The following NOX1 variants were observed in gnomAD, a reference collection of about 807,000 sequenced individuals.
NOX1 encodes the protein NADH/NADPH mitogenic oxidase subunit P65-MOX.
A neutral mutation model predicts 42.5 loss-of-function variants in NOX1; 34 were observed. The ratio of observed to expected loss-of-function variants is 0.80; its 90% CI spans 0.61 to 1.07. The LOEUF is 1.07. NOX1 is among the 50% of genes least tolerant of loss of function. The pLI is 0.00. For missense variants in NOX1, 408 were observed against 427.0 expected, an observed-to-expected ratio of 0.96 and a Z score of 0.39; for synonymous variants, 143 against 152.5, an observed-to-expected ratio of 0.94 and a Z score of 0.46.
intron 1 of NOX1, among the ~76,000 whole-genome samples, chrX:100,873,776 T>A (rs1041042637): frequency 2.9e-4 from 32 of 111,830 alleles, no homozygotes; most frequent in African/African-American, 1.0e-3. Flanking sequence ...GAAATCTTGA[T>A]GGGACCAGTA....
At chrX:100,851,129 C>A in intron 8 of NOX1, 104 bp downstream of exon 8, 1 of 505,653 alleles carries the variant, frequency 2.0e-6, no homozygotes, top group Non-Finnish European at 3.3e-6. Flanking sequence ...CCACTGTGCC[C>A]AGTTTCCAAG....
In NOX1 at chrX:100,843,325, CAAGTG is replaced by C. The variant is rs1440633759; in HGVS notation, c.*622_*626del. On this transcript the variant is annotated 3_prime_UTR_variant, in exon 13 of 13. Coordinates refer to ENST00000372966, the MANE Select transcript of NOX1 (RefSeq NM_007052.5). ...AAGAAGTAACAAAAGACTCATTCATCAAGTGAAGAAGAAAATCCTTTATTTTTTGA... is the reference window on the plus strand; with the variant it reads ...AAGAAGTAACAAAAGACTCATTCATCAAGAAGAAAATCCTTTATTTTTTGA... 3 of 1,109,930 alleles carry C rather than the reference CAAGTG, an allele frequency of 2.7e-6. No individual in the cohort carries two copies. Among genetic ancestry groups the C allele is most frequent in the East Asian group, 6.9e-5 (2 of 29,069 alleles). 91.5% of individuals were successfully genotyped at this position (1,109,930 alleles called of 1,213,427 possible). A position where few individuals can be genotyped will look rare whatever the true frequency, so the allele number is the denominator to read the frequency against.
intron 8 of NOX1, among the ~76,000 whole-genome samples, chrX:100,850,626 C>A (rs1473262665): frequency 8.9e-6 from 1 of 112,318 alleles, no homozygotes; most frequent in African/African-American, 3.2e-5. Flanking sequence ...AAAAATCAAA[C>A]GAAAGCTTCC....
In NOX1 at chrX:100,843,929, A is replaced by G; in HGVS notation, c.*23T>C. The stretch of plus-strand genomic sequence containing the variant: ...GAAGATACAAAGAGACAAAATGCAG[A>G]TTACCGTCCTTATTCCTATAACTCA... On this transcript the variant is annotated 3_prime_UTR_variant, in exon 13 of 13. Coordinates refer to ENST00000372966, the MANE Select transcript of NOX1 (RefSeq NM_007052.5). The G allele has an allele frequency of 8.5e-7, 1 of 1,182,124 alleles. No individual in the cohort carries two copies. The highest frequency in any genetic ancestry group is 1.1e-6 in the Non-Finnish European group (1 of 871,680).
intron 7 of NOX1, among the ~76,000 whole-genome samples, chrX:100,861,197 G>A (rs1368877965): frequency 9.0e-6 from 1 of 111,392 alleles, no homozygotes; most frequent in East Asian, 2.8e-4. Flanking sequence ...ATGTATCCTC[G>A]ATTCATATTT....
intron 4 of NOX1, 83 bp from the exon 5 acceptor site, chrX:100,862,903 T>C (rs1168874076): frequency 4.5e-6 from 4 of 897,654 alleles, no homozygotes; most frequent in Non-Finnish European, 6.4e-6. Flanking sequence ...AGAAGAATCC[T>C]ACATTATAGT....
At chrX:100,868,219 G>T (rs2085251354) in intron 2 of NOX1, among the ~76,000 whole-genome samples, 1 of 111,941 alleles carries the variant, frequency 8.9e-6, no homozygotes, top group African/African-American at 3.2e-5. Flanking sequence ...CAAATTAGTT[G>T]TGATCTCAAC....
intron 1 of NOX1, 66 bp from the exon 2 acceptor site, chrX:100,870,880 G>A: frequency 3.0e-6 from 2 of 676,210 alleles, no homozygotes; most frequent in Non-Finnish European, 2.3e-6. Context: ...GAGTAAATAA[G>A]GGATAGGGAT....
chrX:100,863,480 C>G lies in NOX1; in HGVS notation c.252+5G>C. ...AAAGTTGACTTAGGAGTGGTTGGGA[C>G]TCACTGAGCAGGTGCCCCTCAGGAA... On this transcript the variant is annotated splice_donor_5th_base_variant and intron_variant, in intron 3 of 12. Transcript: ENST00000372966. The G allele has an allele frequency of 8.3e-7, 1 of 1,207,914 alleles. No homozygotes were observed. Among genetic ancestry groups the G allele is most frequent in the Non-Finnish European group, 1.1e-6 (1 of 892,769 alleles).
chrX:100,853,679 G>A, intron 7 of NOX1, among the ~76,000 whole-genome samples: 1 of 106,532 alleles, frequency 9.4e-6, no homozygotes. Context: ...AAAACTACAG[G>A]CATGCACCAC....
At chrX:100,853,340 T>TCC (rs2085140511) in intron 7 of NOX1, among the ~76,000 whole-genome samples, 1 of 91,908 alleles carries the variant, frequency 1.1e-5, no homozygotes, top group Non-Finnish European at 2.1e-5. Flanking sequence ...TTCTCTTTCT[T>TCC]TCTTTCTTTC....
chrX:100,853,332 CTCTTTCTTTCTT>C (rs757872071), intron 7 of NOX1, among the ~76,000 whole-genome samples: 8 of 19,346 alleles, frequency 4.1e-4, no homozygotes, highest in South Asian at 3.8e-3. Context: ...CTCTCTCTTT[CTCTTTCTTTCTT>C]TCTTTCTTTC....
intron 12 of NOX1, among the ~76,000 whole-genome samples, chrX:100,844,424 C>A (rs2085058363): frequency 9.0e-6 from 1 of 111,175 alleles, no homozygotes; most frequent in African/African-American, 3.3e-5. Context: ...GGGCACATTT[C>A]TTTTTTTCTT....
intron 2 of NOX1, among the ~76,000 whole-genome samples, chrX:100,869,344 C>A (rs1193599217): frequency 9.2e-6 from 1 of 108,586 alleles, no homozygotes; most frequent in Non-Finnish European, 1.9e-5. Flanking sequence ...CCTTGAGCAG[C>A]GGTTTGTAGT....
intron 7 of NOX1, among the ~76,000 whole-genome samples, chrX:100,853,423 CTT>C (rs1207560803): frequency 2.3e-5 from 2 of 88,304 alleles, no homozygotes; most frequent in African/African-American, 4.3e-5. Context: ...TTCTTTCTTT[CTT>C]TTTTTTTTTT....
At position 100,863,543 on chromosome X, in the gene NOX1, G is replaced by A. The variant is rs150438486; in HGVS notation, c.194C>T (p.Thr65Met). ...GCGACACACAGGAAGCAGGATCAGC[G>A]TGCTGTTAAAATTCAAGCAGAGAGC... ...ASALCLNFNS[T>M]LILLPVCRNL... is the part of the protein sequence containing the mutation. Residue 65 changes from threonine to methionine, a missense_variant, in exon 3 of 13, where the codon ACG becomes ATG. Physicochemically the swap from Thr to Met is moderately conservative, Grantham distance 81. Coordinates refer to ENST00000372966, the MANE Select transcript of NOX1 (RefSeq NM_007052.5). 101 of 1,208,672 alleles carry A rather than the reference G, an allele frequency of 8.4e-5. 4 individuals are homozygous for A. Among genetic ancestry groups the A allele is most frequent in the African/African-American group, 7.7e-4 (44 of 56,818 alleles).
Position 100,862,213 on chromosome X carries a change from G to A in NOX1, c.762C>T (p.Asp254=), listed in dbSNP as rs1333172964. 1 of 1,211,191 alleles carries A rather than the reference G, an allele frequency of 8.3e-7. No individual in the cohort carries two copies. ...AESFEMWDDR[D]SHCRRPKFEG... Reference sequence around the variant, plus strand: ...CAAACTTAGGGCGCCTACAGTGGGAGTCACGATCATCCCACATCTCAAAAG... The same window carrying A: ...CAAACTTAGGGCGCCTACAGTGGGAATCACGATCATCCCACATCTCAAAAG... The change falls in exon 7 of 13, where the codon GAC becomes GAT. Residue 254 remains aspartate (D), a synonymous_variant. Coordinates refer to ENST00000372966, the MANE Select transcript of NOX1 (RefSeq NM_007052.5).
chrX:100,864,307 T>A (rs1388494572), intron 2 of NOX1, among the ~76,000 whole-genome samples: 1 of 112,450 alleles, frequency 8.9e-6, no homozygotes, highest in Admixed American at 9.5e-5. Flanking sequence ...ATATATACCT[T>A]TATTTGCATT....
At chrX:100,850,080 A>G in intron 9 of NOX1, 71 bp downstream of exon 9, 2 of 1,028,171 alleles carry the variant, frequency 1.9e-6, no homozygotes, top group Non-Finnish European at 2.7e-6. Flanking sequence ...TTAAGATTCA[A>G]CGAAGAATTG....
Sources: gnomAD v4.1 joint callset for allele counts (sites outside exome capture counted in the v4.1 genomes callset) on GRCh38, gnomAD v4.1.1 for gene constraint, MANE v1.5 for transcripts, NCBI Gene and HGNC (gene_info 2026-07-23, HGNC 2026-07-21) for gene names.